The following ADGRG6 variants were observed in gnomAD, a reference collection of about 807,000 sequenced individuals.
ADGRG6 encodes adhesion G protein-coupled receptor G6.
ADGRG6 carries 84 observed loss-of-function variants against 142.4 expected under a neutral mutation model. The observed-to-expected ratio is 0.59, with a 90% CI of 0.49 to 0.71. The LOEUF (loss-of-function observed/expected upper bound fraction) is 0.71. Ranked by LOEUF, ADGRG6 falls within the 30% of genes least tolerant of loss-of-function variation. The pLI, the probability that ADGRG6 is intolerant of heterozygous loss-of-function variation, is 0.00. For missense variants in ADGRG6, 1,367 were observed against 1,466.6 expected (o/e 0.93, Z 1.11); for synonymous variants, 521 against 520.5 (o/e 1.00, Z -0.01).
chr6:142,442,102 G>T (rs1157212688), intron 24 of ADGRG6, among the ~76,000 whole-genome samples: 1 of 151,998 alleles, frequency 6.6e-6, no homozygotes, highest in Non-Finnish European at 1.5e-5. Flanking sequence ...AATTATTGAT[G>T]GATTTTAAAT....
At chr6:142,421,330 T>G (rs541406444) in intron 22 of ADGRG6, among the ~76,000 whole-genome samples, 1 of 152,280 alleles carries the variant, frequency 6.6e-6, no homozygotes, top group Non-Finnish European at 1.5e-5. Context: ...CAAATTTTAT[T>G]CAGGTTCATT....
intron 2 of ADGRG6, among the ~76,000 whole-genome samples, chr6:142,314,966 C>G (rs1322704942): frequency 8.7e-6 from 1 of 115,384 alleles, no homozygotes; most frequent in African/African-American, 3.9e-5. Context: ...ACAGTCCAAT[C>G]ATGGAGTGTG....
At chr6:142,394,580 ATTTT>A (rs5880532) in intron 9 of ADGRG6, among the ~76,000 whole-genome samples, 2 of 132,974 alleles carry the variant, frequency 1.5e-5, no homozygotes, top group Non-Finnish European at 3.2e-5. Context: ...ATCTCTGTAG[ATTTT>A]TTTTTTTTTT....
chr6:142,380,309 G>A (rs1013893344), intron 4 of ADGRG6, among the ~76,000 whole-genome samples: 13 of 152,104 alleles, frequency 8.5e-5, no homozygotes, highest in African/African-American at 3.1e-4. Context: ...CGATTTTCAG[G>A]TTAACTCTGG....
chr6:142,322,532 A>G (rs1778567909), intron 2 of ADGRG6, among the ~76,000 whole-genome samples: 4 of 152,138 alleles, frequency 2.6e-5, no homozygotes, highest in Admixed American at 2.6e-4. Flanking sequence ...AGTTTGGGTT[A>G]TTCTACCTTT....
At chr6:142,430,230 A>T (rs182262191) in intron 22 of ADGRG6, among the ~76,000 whole-genome samples, 1 of 152,270 alleles carries the variant, frequency 6.6e-6, no homozygotes, top group East Asian at 1.9e-4. Flanking sequence ...GAGGGAAGAA[A>T]AAGTCAACTT....
At chr6:142,302,662 C>G in intron 1 of ADGRG6, 1 of 360,064 alleles carries the variant, frequency 2.8e-6, no homozygotes, top group Non-Finnish European at 5.0e-6. Context: ...CAAGGAGTAA[C>G]AGGCACCGCT....
Position 142,402,916 on chromosome 6 carries a change from A to T in ADGRG6, c.1955+86A>T, listed in dbSNP as rs916268268. 8.8e-5 allele frequency: 61 copies of T among 696,896 alleles called. 1 individual carries two copies. Among genetic ancestry groups the T allele is most frequent in the Non-Finnish European group, 4.6e-6 (2 of 430,708 alleles). The allele number at this position is 696,896 out of a possible 1,614,324, so 43.2% of individuals were successfully genotyped here. A position where few individuals can be genotyped will look rare whatever the true frequency, so the allele number is the denominator to read the frequency against. On this transcript the variant is annotated intron_variant, in intron 13 of 24. Coordinates refer to ENST00000367609, the MANE Select transcript of ADGRG6 (RefSeq NM_198569.3). ...TCACCTATCTGAATACTTTGTGCCC[A>T]GATTTCAGAATTCAAATCTCTGCAA...
rs1000676807 is a variant in ADGRG6 at position 142,411,423 on chromosome 6, A to G, written c.2541+12A>G. 18 of 1,312,576 alleles carry G rather than the reference A, an allele frequency of 1.4e-5. No individual in the cohort carries two copies. The Admixed American group carries it at 2.0e-4, about 15-fold the overall frequency. The allele number at this position is 1,312,576 out of a possible 1,614,324, so 81.3% of individuals were successfully genotyped here. On this transcript the variant is annotated intron_variant, in intron 18 of 24. Transcript: ENST00000367609. ...TTGGAGTTCTGATGGTAAGGGGGGA[A>G]TTTCTAAGCTCATTTTGACATGCTG...
intron 2 of ADGRG6, among the ~76,000 whole-genome samples, chr6:142,341,598 T>A (rs1163097189): frequency 8.0e-6 from 1 of 125,270 alleles, no homozygotes; most frequent in East Asian, 2.0e-4. Context: ...TATTATATAT[T>A]ATATATACTA....
intron 2 of ADGRG6, among the ~76,000 whole-genome samples, chr6:142,311,012 C>T (rs1474669988): frequency 6.6e-6 from 1 of 151,864 alleles, no homozygotes; most frequent in Non-Finnish European, 1.5e-5. Flanking sequence ...GACCACGGCA[C>T]CTCCAATTTG....
At chr6:142,337,718 A>T (rs1190745793) in intron 2 of ADGRG6, among the ~76,000 whole-genome samples, 1 of 152,142 alleles carries the variant, frequency 6.6e-6, no homozygotes, top group African/African-American at 2.4e-5. Flanking sequence ...TGTTGGTTGC[A>T]GTCAAGTTAT....
chr6:142,430,894 C>T (rs1323063555), intron 22 of ADGRG6, among the ~76,000 whole-genome samples: 8 of 152,008 alleles, frequency 5.3e-5, no homozygotes, highest in Non-Finnish European at 8.8e-5. Flanking sequence ...AGCCTTGGCC[C>T]GTAGGAGTCT....
chr6:142,352,415 G>GAATACACAT (rs1023268250), intron 2 of ADGRG6, among the ~76,000 whole-genome samples: 1 of 152,046 alleles, frequency 6.6e-6, no homozygotes, highest in African/African-American at 2.4e-5. Flanking sequence ...AGCTTGAATT[G>GAATACACAT]AATACACATG....
intron 2 of ADGRG6, among the ~76,000 whole-genome samples, chr6:142,353,011 A>G (rs1344903899): frequency 6.6e-6 from 1 of 152,140 alleles, no homozygotes; most frequent in Non-Finnish European, 1.5e-5. Context: ...TCCCTATGTG[A>G]GATGAAGGAA....
Position 142,443,242 on chromosome 6 carries a change from C to A in ADGRG6, c.3575-95C>A. ...AATCGGAGCTTTATTTTCTTTTGTTCTTCTTTAATGTGCAAAACGGAGTAT... is the reference window on the plus strand; with the variant it reads ...AATCGGAGCTTTATTTTCTTTTGTTATTCTTTAATGTGCAAAACGGAGTAT... On this transcript the variant is annotated intron_variant, in intron 24 of 24. Transcript: ENST00000367609. 5.9e-6 allele frequency: 4 copies of A among 675,932 alleles called. No homozygotes were observed. In the South Asian group the frequency reaches 1.0e-4, roughly 18 times the overall value. 41.9% of individuals were successfully genotyped at this position (675,932 alleles called of 1,614,324 possible).
At position 142,418,295 on chromosome 6, in the gene ADGRG6, TAAAAAAA is replaced by T. The variant is rs541243272; in HGVS notation, c.3035+943_3035+949del. Among the ~76,000 whole-genome samples the T allele has an allele frequency of 1.9e-4, 15 of 79,794 alleles. No individual in the cohort carries two copies. In the South Asian group the frequency reaches 3.8e-3, roughly 20 times the overall value. The allele number at this position is 79,794 out of a possible 152,430, so 52.3% of individuals were successfully genotyped here. Reference sequence around the variant, plus strand: ...CTGGGCAACAGAGTGAGACTCCATCTAAAAAAAAAAAAAAAAAAAAAAACCCACTTAC... The same window carrying T: ...CTGGGCAACAGAGTGAGACTCCATCTAAAAAAAAAAAAAAAACCCACTTAC... On this transcript the variant is annotated intron_variant, in intron 21 of 24. Transcript: ENST00000367609.
chr6:142,426,162 G>C (rs1239025770), intron 22 of ADGRG6, among the ~76,000 whole-genome samples: 3 of 152,088 alleles, frequency 2.0e-5, no homozygotes, highest in Non-Finnish European at 4.4e-5. Flanking sequence ...ACTCATTTCA[G>C]CATTAACTCA....
chr6:142,387,054 AATG>A (rs1192069200), intron 6 of ADGRG6, among the ~76,000 whole-genome samples: 20 of 152,312 alleles, frequency 1.3e-4, no homozygotes, highest in Admixed American at 1.2e-3. Context: ...TGTTGAATGA[AATG>A]ATGTTACTCA....
Sources: allele counts gnomAD v4.1 joint callset (sites outside exome capture counted in the v4.1 genomes callset), GRCh38; gene constraint gnomAD v4.1.1; transcripts MANE v1.5; gene names NCBI Gene and HGNC (gene_info 2026-07-23, HGNC 2026-07-21).